Variants in LRRC56 observed in about 807,000 individuals in gnomAD.
LRRC56 encodes leucine rich repeat containing 56, also known as leucine-rich repeat-containing protein 56.
Under a neutral mutation model 47.8 loss-of-function variants are expected in LRRC56, and 41 were observed. The observed-to-expected ratio is 0.86, with a 90% CI of 0.67 to 1.11. The LOEUF (loss-of-function observed/expected upper bound fraction) is 1.11. Ranked by LOEUF, LRRC56 falls within the 50% of genes most tolerant of loss-of-function variation. The probability of loss-of-function intolerance (pLI) is 0.00; values close to 1 mark genes in which losing one functional copy is unlikely to be tolerated. For missense variants in LRRC56, 759 were observed against 704.2 expected, an observed-to-expected ratio of 1.08 and a Z score of -0.88; for synonymous variants, 387 against 311.2, an observed-to-expected ratio of 1.24 and a Z score of -2.56.
the LRRC56 span, among the ~76,000 whole-genome samples, chr11:525,311 G>A: frequency 7.7e-3 from 1,169 of 151,798 alleles, 12 homozygotes; most frequent in African/African-American, 0.026. Flanking sequence ...AGGCCAAGGC[G>A]GGCGGATCAC....
Position 554,037 on chromosome 11 carries a change from AGCTCCCC to A in LRRC56, c.1393_1399del (p.Ser465GlyfsTer33). On this transcript the variant is annotated frameshift_variant, in exon 14 of 14. Transcript: ENST00000270115. LOFTEE classifies it low-confidence loss of function (END_TRUNC). ...CCCAAGGCCACGAGATTCTGGCAGC[AGCTCCCC>A]GCGGTGGTCGACAGACCTGCAGTCC... The A allele has an allele frequency of 6.2e-7, 1 of 1,612,112 alleles. No individual in the cohort carries two copies. The highest frequency in any genetic ancestry group is 8.5e-7 in the Non-Finnish European group (1 of 1,179,734).
chr11:535,289 C>CCCG (rs113931482), upstream of LRRC56: 6,094 of 141,276 alleles, frequency 0.043, 165 homozygotes, highest in African/African-American at 0.074. Flanking sequence ...GCCCCACCCA[C>CCCG]CCGCCGCCGC....
chr11:507,989 C>T, the LRRC56 span, among the ~76,000 whole-genome samples: 8 of 152,390 alleles, frequency 5.2e-5, no homozygotes, highest in Admixed American at 1.3e-4. Context: ...AGTTCCAGAC[C>T]AGCCTGGGAA....
chr11:522,358 C>T, the LRRC56 span, among the ~76,000 whole-genome samples: 6 of 152,042 alleles, frequency 3.9e-5, no homozygotes, highest in Admixed American at 2.6e-4. Flanking sequence ...CTCTGCCTCC[C>T]GGGTTCAGGC....
At chr11:526,268 A>G in the LRRC56 span, among the ~76,000 whole-genome samples, 1 of 152,214 alleles carries the variant, frequency 6.6e-6, no homozygotes, top group South Asian at 2.1e-4. Flanking sequence ...ACTTCAGCAA[A>G]GGGGACCTGC....
upstream of LRRC56, chr11:534,008 G>C (rs1851293564): frequency 1.3e-6 from 2 of 1,543,606 alleles, no homozygotes; most frequent in Non-Finnish European, 1.8e-6. Context: ...CACACAGCCA[G>C]CCTCTCCCTG....
At chr11:526,367 A>G in the LRRC56 span, among the ~76,000 whole-genome samples, 1 of 152,178 alleles carries the variant, frequency 6.6e-6, no homozygotes, top group Non-Finnish European at 1.5e-5. Context: ...CAACACGCCC[A>G]AGATGAAAAT....
chr11:539,589 G>T lies in LRRC56; in HGVS notation c.-149G>T, dbSNP rs1851695574. On this transcript the variant is annotated 5_prime_UTR_variant, in exon 3 of 14. Transcript: ENST00000270115. Reference sequence around the variant, plus strand: ...TTTTTTGTATTTTTAGTAGAGACAGGGTTTCACCGTGTTAGCCAGGATGGT... The same window carrying T: ...TTTTTTGTATTTTTAGTAGAGACAGTGTTTCACCGTGTTAGCCAGGATGGT... 1 of 147,804 alleles carries T rather than the reference G, an allele frequency of 6.8e-6. No individual in the cohort carries two copies. Among genetic ancestry groups the T allele is most frequent in the South Asian group, 2.1e-4 (1 of 4,700 alleles). 9.2% of individuals were successfully genotyped at this position (147,804 alleles called of 1,614,324 possible). A position where few individuals can be genotyped will look rare whatever the true frequency, so the allele number is the denominator to read the frequency against.
intron 2 of LRRC56, 31 bp downstream of exon 2, chr11:538,891 G>C (rs1228030391): frequency 6.6e-6 from 1 of 152,550 alleles, no homozygotes; most frequent in South Asian, 2.1e-4. Context: ...AAGGGAACTC[G>C]TCTCATCAGG....
chr11:537,421 AC>A (rs1284257867), upstream of LRRC56: 1 of 152,212 alleles, frequency 6.6e-6, no homozygotes, highest in Admixed American at 6.5e-5. Context: ...GCCGCACGGA[AC>A]CCGAGCCCCC....
At chr11:544,217 A>C (rs1012394761) in intron 5 of LRRC56, among the ~76,000 whole-genome samples, 4 of 152,180 alleles carry the variant, frequency 2.6e-5, no homozygotes, top group Non-Finnish European at 5.9e-5. Flanking sequence ...GGGACTGTGC[A>C]TGACGGTCTG....
In LRRC56 at chr11:551,759, G is replaced by A; in HGVS notation, c.905G>A (p.Gly302Asp). 6.2e-7 allele frequency: 1 copy of A among 1,610,508 alleles called. No homozygotes were observed. Among genetic ancestry groups the A allele is most frequent in the Non-Finnish European group, 8.5e-7 (1 of 1,178,786 alleles). ...CCCTTCTCCCTGCTGGTCCGTGGGGGCCCCCTGCCTGAAGGCCTGCTTTCT... is the reference window on the plus strand; with the variant it reads ...CCCTTCTCCCTGCTGGTCCGTGGGGACCCCCTGCCTGAAGGCCTGCTTTCT... ...PWPFSLLVRGGPLPEGLLSED... is the reference protein window; with the variant it reads ...PWPFSLLVRGDPLPEGLLSED... The change falls in exon 10 of 14, where the codon GGC becomes GAC. Residue 302 changes from glycine (G) to aspartate (D), a missense_variant. By Grantham distance (94) the Gly-to-Asp change is moderately conservative (BLOSUM62 -1). Coordinates refer to ENST00000270115, the MANE Select transcript of LRRC56 (RefSeq NM_198075.4).
At chr11:527,513 C>T in the LRRC56 span, among the ~76,000 whole-genome samples, 5 of 152,030 alleles carry the variant, frequency 3.3e-5, no homozygotes, top group African/African-American at 1.2e-4. Flanking sequence ...CTTGGCAAAA[C>T]GATAGGGTAA....
chr11:527,484 C>G, the LRRC56 span, among the ~76,000 whole-genome samples: 2 of 152,116 alleles, frequency 1.3e-5, no homozygotes, highest in South Asian at 4.1e-4. Flanking sequence ...TTGACTGCCT[C>G]ACAGCAGAGA....
chr11:518,952 C>T, the LRRC56 span, among the ~76,000 whole-genome samples: 2 of 151,942 alleles, frequency 1.3e-5, no homozygotes, highest in Non-Finnish European at 2.9e-5. Context: ...GCCCCCAAAC[C>T]GAGGGGAACT....
chr11:552,720 C>T lies in LRRC56; in HGVS notation c.1315+18C>T. The T allele has an allele frequency of 2.5e-6, 4 of 1,585,708 alleles. No individual in the cohort carries two copies. Among genetic ancestry groups the T allele is most frequent in the Non-Finnish European group, 2.6e-6 (3 of 1,165,434 alleles). On this transcript the variant is annotated intron_variant, in intron 13 of 13. Transcript: ENST00000270115. ...GGCCTCAGGTACTGAGCCTGCCCGCCTGCCCCCCAGTGCCTGGGAGTGACC... is the reference window on the plus strand; with the variant it reads ...GGCCTCAGGTACTGAGCCTGCCCGCTTGCCCCCCAGTGCCTGGGAGTGACC...
chr11:531,209 G>T, the LRRC56 span, among the ~76,000 whole-genome samples: 1 of 151,870 alleles, frequency 6.6e-6, no homozygotes, highest in Admixed American at 6.6e-5. Flanking sequence ...GGGCGAGTGT[G>T]GTATTCCCTG....
intron 6 of LRRC56, 136 bp downstream of exon 6, chr11:544,916 C>A: frequency 1.1e-6 from 1 of 875,674 alleles, no homozygotes; most frequent in Non-Finnish European, 1.8e-6. Context: ...GTCTAGAGAG[C>A]TCCATCCTGC....
intron 9 of LRRC56, 145 bp from the exon 10 acceptor site, chr11:551,506 A>G: frequency 2.2e-6 from 2 of 919,972 alleles, no homozygotes; most frequent in Non-Finnish European, 3.2e-6. Flanking sequence ...AGGTCTGAAG[A>G]TGAGGGCCTC....
Sources: gnomAD v4.1 joint callset for allele counts (sites outside exome capture counted in the v4.1 genomes callset) on GRCh38, gnomAD v4.1.1 for gene constraint, MANE v1.5 for transcripts, NCBI Gene and HGNC (gene_info 2026-07-23, HGNC 2026-07-21) for gene names.